Variants in ASAP1 observed in about 807,000 individuals in gnomAD.
The protein encoded by ASAP1 is arf-GAP with SH3 domain, ANK repeat and PH domain-containing protein 1.
ASAP1 carries 43 observed loss-of-function variants against 145.2 expected under a neutral mutation model. The ratio of observed to expected loss-of-function variants is 0.30; its 90% CI spans 0.23 to 0.38. The LOEUF is 0.38. Ranked by LOEUF, ASAP1 falls within the 10% of genes least tolerant of loss-of-function variation. The pLI, the probability that ASAP1 is intolerant of heterozygous loss-of-function variation, is 1.00. For missense variants in ASAP1, 1,018 were observed against 1,355.3 expected, an observed-to-expected ratio of 0.75 and a Z score of 3.91; for synonymous variants, 546 against 515.5, an observed-to-expected ratio of 1.06 and a Z score of -0.80.
At chr8:130,131,603 GAAAAAAAAA>G (rs1159191172) in intron 15 of ASAP1, among the ~76,000 whole-genome samples, 5 of 63,108 alleles carry the variant, frequency 7.9e-5, no homozygotes, top group Admixed American at 1.9e-4. Flanking sequence ...CATGGCTACT[GAAAAAAAAA>G]AAAAAAAAAA....
intron 18 of ASAP1, among the ~76,000 whole-genome samples, chr8:130,121,653 G>A (rs2097566087): frequency 6.6e-6 from 1 of 151,696 alleles, no homozygotes; most frequent in Admixed American, 6.6e-5. Context: ...GCATAGTGGC[G>A]CATGCCTGTA....
intron 3 of ASAP1, among the ~76,000 whole-genome samples, chr8:130,266,094 T>TA (rs745707574): frequency 1.3e-5 from 2 of 152,122 alleles, no homozygotes; most frequent in Non-Finnish European, 2.9e-5. Flanking sequence ...GGTTGAAACT[T>TA]AGATTCCCTC....
At chr8:130,227,697 A>G (rs1271712580) in intron 4 of ASAP1, among the ~76,000 whole-genome samples, 1 of 150,740 alleles carries the variant, frequency 6.6e-6, no homozygotes, top group African/African-American at 2.4e-5. Context: ...TATAGTATAG[A>G]TAACATATTG....
chr8:130,358,615 G>T lies in ASAP1; in HGVS notation c.60-472C>A, dbSNP rs1347559203. Among the ~76,000 whole-genome samples the T allele has an allele frequency of 2.0e-5, 3 of 147,036 alleles. No homozygotes were observed. Among genetic ancestry groups the T allele is most frequent in the South Asian group, 2.1e-4 (1 of 4,810 alleles). On this transcript the variant is annotated intron_variant, in intron 2 of 29. Transcript: ENST00000518721. This position sits in a 1 kb window ranked among gnomAD's most constrained non-coding sequence, Gnocchi z 4.1. ...CTGACTGAGCGCACACTCCCGCGGC[G>T]GGCGGGCGGGCGGGCGGCGCTCGCG...
intron 1 of ASAP1, among the ~76,000 whole-genome samples, chr8:130,422,819 GC>G (rs1357541833): frequency 6.6e-6 from 1 of 152,228 alleles, no homozygotes. Flanking sequence ...CTTGGAGCAA[GC>G]CAGTAAGCAG....
chr8:130,160,096 C>G, intron 11 of ASAP1, 132 bp from the exon 12 acceptor site: 1 of 733,954 alleles, frequency 1.4e-6, no homozygotes, highest in Non-Finnish European at 2.3e-6. Context: ...CTGTCAGGTC[C>G]TTTCCTTTAT....
intron 4 of ASAP1, among the ~76,000 whole-genome samples, chr8:130,236,000 C>T (rs1416845182): frequency 6.6e-6 from 1 of 152,036 alleles, no homozygotes; most frequent in East Asian, 1.9e-4. Flanking sequence ...CCTCACGTTA[C>T]AGAAGAAAAA....
At chr8:130,076,774 C>T (rs969278723) in intron 26 of ASAP1, among the ~76,000 whole-genome samples, 2 of 152,236 alleles carry the variant, frequency 1.3e-5, no homozygotes, top group African/African-American at 2.4e-5. Flanking sequence ...CCCACCTCAG[C>T]CTTCCAAAGT....
At chr8:130,134,192 C>G in intron 15 of ASAP1, 104 bp downstream of exon 15, 1 of 822,396 alleles carries the variant, frequency 1.2e-6, no homozygotes, top group Non-Finnish European at 1.9e-6. Flanking sequence ...ATGGAGCCAC[C>G]AGGCGAGGTT....
chr8:130,126,099 G>GA lies in ASAP1; in HGVS notation c.1382-11dup. ...GAAAGCCAGGTGGGTTCTGTGGAAA[G>GA]AATGTTGAAGACAATGAAACAAAAA... On this transcript the variant is annotated splice_polypyrimidine_tract_variant and intron_variant, in intron 16 of 29. Transcript: ENST00000518721. The GA allele has an allele frequency of 6.3e-7, 1 of 1,597,558 alleles. No homozygotes were observed. The highest frequency in any genetic ancestry group is 8.5e-7 in the Non-Finnish European group (1 of 1,174,908).
At chr8:130,153,535 A>C (rs188506184) in intron 12 of ASAP1, among the ~76,000 whole-genome samples, 1 of 151,292 alleles carries the variant, frequency 6.6e-6, no homozygotes, top group East Asian at 1.9e-4. Flanking sequence ...ATGCCTGGCT[A>C]ATTTTTACAT....
In ASAP1 at chr8:130,112,074, G is replaced by C. The variant is rs748198849; in HGVS notation, c.2401+20C>G. 5 of 1,599,328 alleles carry C rather than the reference G, an allele frequency of 3.1e-6. No homozygotes were observed. The highest frequency in any genetic ancestry group is 1.3e-5 in the African/African-American group (1 of 74,540). ...AAGCCCTTCGAGGATGGAGTCACAA[G>C]CCCTTCTCAAAGCCCATACCTTTCC... On this transcript the variant is annotated intron_variant, in intron 24 of 29. Coordinates refer to ENST00000518721, the MANE Select transcript of ASAP1 (RefSeq NM_018482.4).
At chr8:130,234,776 T>C (rs10091450) in intron 4 of ASAP1, among the ~76,000 whole-genome samples, 45,692 of 151,980 alleles carry the variant, frequency 0.3, 6,927 homozygotes, top group Admixed American at 0.31. Context: ...CTCACAAGCA[T>C]AGAGCCTCAG....
intron 9 of ASAP1, among the ~76,000 whole-genome samples, chr8:130,174,871 T>C (rs1020180743): frequency 2.0e-5 from 3 of 152,258 alleles, no homozygotes; most frequent in Non-Finnish European, 4.4e-5. Context: ...CATTTTGATA[T>C]ACCACATTTT....
At chr8:130,142,152 A>G (rs1395047683) in intron 13 of ASAP1, among the ~76,000 whole-genome samples, 3 of 152,232 alleles carry the variant, frequency 2.0e-5, no homozygotes, top group Non-Finnish European at 4.4e-5. Context: ...AAGGTTAAGT[A>G]ACATTCCTAA....
At chr8:130,107,402 G>A (rs1252220006) in intron 24 of ASAP1, among the ~76,000 whole-genome samples, 1 of 151,236 alleles carries the variant, frequency 6.6e-6, no homozygotes, top group Non-Finnish European at 1.5e-5. Context: ...AGCCAGGATG[G>A]TCTCGATCTC....
intron 1 of ASAP1, among the ~76,000 whole-genome samples, chr8:130,422,059 A>G (rs1175966212): frequency 6.6e-6 from 1 of 152,220 alleles, no homozygotes; most frequent in Non-Finnish European, 1.5e-5. Flanking sequence ...AAGGTGGTCA[A>G]TTCTACCCAG....
Position 130,092,046 on chromosome 8 carries a change from T to C in ASAP1, c.2499A>G (p.Gly833=). 6.3e-7 allele frequency: 1 copy of C among 1,575,994 alleles called. No homozygotes were observed. The highest frequency in any genetic ancestry group is 8.6e-7 in the Non-Finnish European group (1 of 1,165,596). ...GAGGGTCGGATAGGGTTCTCTTGTG[T>C]CCGGGTGGTGGGGGAGGAGGCCTCT... The part of the protein sequence containing the change: ...SKKRPPPPPP[G]HKRTLSDPPS... Residue 833 remains glycine, a synonymous_variant, in exon 25 of 30, where the codon GGA becomes GGG. Coordinates refer to ENST00000518721, the MANE Select transcript of ASAP1 (RefSeq NM_018482.4).
At chr8:130,146,878 AC>A (rs1299788648) in intron 13 of ASAP1, among the ~76,000 whole-genome samples, 1 of 152,188 alleles carries the variant, frequency 6.6e-6, no homozygotes, top group Non-Finnish European at 1.5e-5. Context: ...AAGAAGAGGT[AC>A]CCCAAATGGG....
Sources: allele counts gnomAD v4.1 joint callset (sites outside exome capture counted in the v4.1 genomes callset), GRCh38; gene constraint gnomAD v4.1.1; non-coding constraint Gnocchi (gnomAD v3.1); transcripts MANE v1.5; gene names NCBI Gene and HGNC (gene_info 2026-07-23, HGNC 2026-07-21).